Variants in FOXP2 observed in about 807,000 individuals in gnomAD.
The protein encoded by FOXP2 is forkhead box protein P2.
Under a neutral mutation model 115.8 loss-of-function variants are expected in FOXP2, and 12 were observed. That is an observed-to-expected ratio of 0.10 (90% CI 0.07 to 0.17). FOXP2 has a LOEUF of 0.17. Among genes scored for constraint, FOXP2 ranks in the 10% least tolerant of loss-of-function variants. The probability of loss-of-function intolerance (pLI) is 1.00; values close to 1 mark genes in which losing one functional copy is unlikely to be tolerated. For synonymous variants in FOXP2, 328 were observed against 297.7 expected, an observed-to-expected ratio of 1.10 and a Z score of -1.05; for missense variants, 629 against 843.5, an observed-to-expected ratio of 0.75 and a Z score of 3.15.
At position 114,599,586 on chromosome 7, in the gene FOXP2, T is replaced by A. The variant is rs555025649; in HGVS notation, c.259-28954T>A. On this transcript the variant is annotated intron_variant, in intron 3 of 16. Transcript: ENST00000350908. The stretch of plus-strand genomic sequence containing the variant: ...GAACTTGTTCAGTTCACCTAAAATA[T>A]TAAATTAAGTAGTATAACTTTTTTT... Among the ~76,000 whole-genome samples the A allele has an allele frequency of 1.8e-4, 28 of 152,264 alleles. No homozygotes were observed. In the Middle Eastern group the frequency reaches 0.01, roughly 55 times the overall value.
chr7:114,316,609 G>T (rs887574510), intron 2 of FOXP2, among the ~76,000 whole-genome samples: 7 of 152,242 alleles, frequency 4.6e-5, no homozygotes, highest in African/African-American at 1.7e-4. Flanking sequence ...TGGCTTTATA[G>T]TAGGGACCTG....
chr7:114,334,938 T>G (rs1328706754), intron 2 of FOXP2, among the ~76,000 whole-genome samples: 1 of 141,982 alleles, frequency 7.0e-6, no homozygotes, highest in African/African-American at 2.6e-5. Context: ...AATCTATATA[T>G]ATATATATAT....
At chr7:114,289,842 G>T (rs1796550119) in intron 2 of FOXP2, among the ~76,000 whole-genome samples, 1 of 151,860 alleles carries the variant, frequency 6.6e-6, no homozygotes, top group African/African-American at 2.4e-5. Context: ...TCATCCTAAT[G>T]GGAAAGTGAA....
At chr7:114,377,809 G>A (rs1459988650) in intron 2 of FOXP2, among the ~76,000 whole-genome samples, 1 of 152,182 alleles carries the variant, frequency 6.6e-6, no homozygotes, top group Non-Finnish European at 1.5e-5. Flanking sequence ...AAATTGTTTA[G>A]TGGATTCACA....
intron 2 of FOXP2, among the ~76,000 whole-genome samples, chr7:114,468,782 C>A (rs979291132): frequency 4.6e-5 from 7 of 152,132 alleles, no homozygotes; most frequent in African/African-American, 1.7e-4. Context: ...CCCCTGCAAA[C>A]TACTGTGAGC....
At chr7:114,416,462 C>T (rs1430366976) in intron 1 of FOXP2, 1 of 137,636 alleles carries the variant, frequency 7.3e-6, no homozygotes, top group African/African-American at 2.6e-5. Flanking sequence ...TGTATTTTCA[C>T]TTTACTGTAG....
intron 2 of FOXP2, among the ~76,000 whole-genome samples, chr7:114,469,491 C>A (rs1479478117): frequency 6.6e-6 from 1 of 152,096 alleles, no homozygotes; most frequent in Non-Finnish European, 1.5e-5. Flanking sequence ...ACAAAGATAT[C>A]TAAAAACCAC....
chr7:114,380,441 C>T (rs1313009532), intron 2 of FOXP2, among the ~76,000 whole-genome samples: 1 of 152,178 alleles, frequency 6.6e-6, no homozygotes, highest in Non-Finnish European at 1.5e-5. Context: ...CTGCATACCC[C>T]ACTTTTCGAA....
chr7:114,463,112 TG>T, intron 2 of FOXP2: 1 of 419,160 alleles, frequency 2.4e-6, no homozygotes, highest in Non-Finnish European at 4.8e-6. Flanking sequence ...CACTGCAACC[TG>T]GAACTCCTGG....
chr7:114,132,573 G>GTA lies in FOXP2; in HGVS notation c.-246-30370_-246-30369insAT, dbSNP rs1366601385. On this transcript the variant is annotated intron_variant, in intron 1 of 19. Transcript: ENST00000635638. ...TGTGTGTGTGTGTGTGTGTGTGTGT[G>GTA]TGTGTGTGTGAGAGAGAGAGAGAGA... is the stretch of plus-strand genomic sequence containing the variant. 7.3e-5 allele frequency among the ~76,000 whole-genome samples: 10 copies of GTA among 137,228 alleles called. 1 individual carries two copies. In the South Asian group the frequency reaches 1.8e-3, roughly 24 times the overall value. The allele number at this position is 137,228 out of a possible 152,430, so 90.0% of individuals were successfully genotyped here.
At chr7:114,503,128 CT>C (rs1797643019) in intron 2 of FOXP2, among the ~76,000 whole-genome samples, 1 of 151,918 alleles carries the variant, frequency 6.6e-6, no homozygotes, top group Non-Finnish European at 1.5e-5. Flanking sequence ...TTAGTTTATT[CT>C]TTCTGTGAAG....
chr7:114,155,111 T>A lies in FOXP2; in HGVS notation c.-246-7833T>A, dbSNP rs543272535. ...ATGACTTAGTACTCCTGTTTCTGAC[T>A]CTTAACAACTACTTGGATGACCCTA... On this transcript the variant is annotated intron_variant, in intron 1 of 19. Coordinates refer to the FOXP2 transcript ENST00000635638. 8.6e-4 allele frequency among the ~76,000 whole-genome samples: 131 copies of A among 152,290 alleles called. 2 individuals are homozygous for A. Among genetic ancestry groups the A allele is most frequent in the African/African-American group, 3.0e-3 (126 of 41,572 alleles).
intron 2 of FOXP2, among the ~76,000 whole-genome samples, chr7:114,382,016 A>G (rs867353580): frequency 1.3e-5 from 2 of 152,144 alleles, no homozygotes; most frequent in Non-Finnish European, 2.9e-5. Flanking sequence ...ATTCACATGT[A>G]TAATGGCCCC....
intron 6 of FOXP2, among the ~76,000 whole-genome samples, chr7:114,634,421 T>A (rs1805101630): frequency 1.3e-5 from 2 of 152,048 alleles, no homozygotes; most frequent in Non-Finnish European, 1.5e-5. Flanking sequence ...AATAAAATTA[T>A]AAGAATTTTG....
At chr7:114,203,957 T>C (rs1385379099) in intron 1 of FOXP2, among the ~76,000 whole-genome samples, 1 of 152,212 alleles carries the variant, frequency 6.6e-6, no homozygotes, top group African/African-American at 2.4e-5. Context: ...TGTTTCATTG[T>C]AAATAGTTCT....
intron 1 of FOXP2, among the ~76,000 whole-genome samples, chr7:114,274,705 C>G (rs1027918338): frequency 7.0e-6 from 1 of 143,588 alleles, no homozygotes; most frequent in Admixed American, 7.5e-5. Context: ...GCCTTGACCT[C>G]CCTGGGCTCA....
chr7:114,455,420 T>A (rs1410467835), intron 2 of FOXP2, among the ~76,000 whole-genome samples: 1 of 152,206 alleles, frequency 6.6e-6, no homozygotes, highest in African/African-American at 2.4e-5. Context: ...GAAGTATAGA[T>A]GTGGTTTACT....
At chr7:114,185,224 C>A (rs1255641920) in intron 1 of FOXP2, among the ~76,000 whole-genome samples, 1 of 70,254 alleles carries the variant, frequency 1.4e-5, no homozygotes, top group Non-Finnish European at 5.8e-5. Context: ...TTCTTTTAAA[C>A]AGTTTTTTGG....
At chr7:114,091,633 T>C (rs1405213193) in intron 1 of FOXP2, among the ~76,000 whole-genome samples, 2 of 151,932 alleles carry the variant, frequency 1.3e-5, no homozygotes, top group Non-Finnish European at 3.0e-5. Context: ...TAATACATTA[T>C]ATTTTAATGA....
Sources: allele counts gnomAD v4.1 joint callset (sites outside exome capture counted in the v4.1 genomes callset), GRCh38; gene constraint gnomAD v4.1.1; transcripts MANE v1.5; gene names NCBI Gene and HGNC (gene_info 2026-07-23, HGNC 2026-07-21).